The following TRIO variants were observed in gnomAD, a reference collection of about 807,000 sequenced individuals.
TRIO encodes trio Rho guanine nucleotide exchange factor, also known as triple functional domain protein.
Under a neutral mutation model 351.9 loss-of-function variants are expected in TRIO, and 58 were observed. The ratio of observed to expected loss-of-function variants is 0.16; its 90% CI spans 0.13 to 0.21. TRIO has a LOEUF of 0.21. Ranked by LOEUF, TRIO falls within the 10% of genes least tolerant of loss-of-function variation. The pLI, the probability that TRIO is intolerant of heterozygous loss-of-function variation, is 1.00. For synonymous variants in TRIO, 1,758 were observed against 1,595.7 expected (o/e 1.10, Z -2.42); for missense variants, 3,201 against 4,027.8 (o/e 0.79, Z 5.56).
At chr5:14,183,843 G>T in intron 1 of TRIO, 1 of 653,948 alleles carries the variant, frequency 1.5e-6, no homozygotes, top group East Asian at 2.9e-5. Context: ...GGGATCCTGA[G>T]GGACACTGCC....
intron 1 of TRIO, among the ~76,000 whole-genome samples, chr5:14,241,010 G>A (rs576076070): frequency 9.2e-5 from 14 of 152,238 alleles, no homozygotes; most frequent in Admixed American, 5.9e-4. Context: ...TACTGGTGAG[G>A]TTTTTTAGGG....
At chr5:14,149,610 C>T (rs1300765162) in intron 1 of TRIO, among the ~76,000 whole-genome samples, 3 of 152,154 alleles carry the variant, frequency 2.0e-5, no homozygotes, top group African/African-American at 7.2e-5. Context: ...AGATTTCTCC[C>T]TGTGCCATTT....
intron 34 of TRIO, among the ~76,000 whole-genome samples, chr5:14,443,904 TATC>T (rs1297161602): frequency 6.6e-6 from 1 of 152,220 alleles, no homozygotes; most frequent in Non-Finnish European, 1.5e-5. Context: ...TTGGGTTGGT[TATC>T]ATTCTGAAAT....
At chr5:14,317,894 A>AG (rs1337227439) in intron 9 of TRIO, among the ~76,000 whole-genome samples, 1 of 152,026 alleles carries the variant, frequency 6.6e-6, no homozygotes, top group Non-Finnish European at 1.5e-5. Context: ...TAGGAGGCCA[A>AG]GGGGGGTGGA....
intron 1 of TRIO, among the ~76,000 whole-genome samples, chr5:14,219,274 G>GAT (rs1344776980): frequency 1.3e-5 from 2 of 151,882 alleles, no homozygotes; most frequent in Non-Finnish European, 2.9e-5. Context: ...AGCCTGACCA[G>GAT]ATCATTGTTT....
At position 14,479,246 on chromosome 5, in the gene TRIO, CT is replaced by C; in HGVS notation, c.6154-9del. On this transcript the variant is annotated splice_polypyrimidine_tract_variant and intron_variant, in intron 41 of 56. Transcript: ENST00000344204. ...CCATTGTTATAACCCAACTGTTTGCCTTTTTTATTCCTAGGAGAGAAGGTTG... is the reference window on the plus strand; with the variant it reads ...CCATTGTTATAACCCAACTGTTTGCCTTTTTATTCCTAGGAGAGAAGGTTG... The C allele has an allele frequency of 6.2e-7, 1 of 1,609,818 alleles. No individual in the cohort carries two copies. The highest frequency in any genetic ancestry group is 8.5e-7 in the Non-Finnish European group (1 of 1,176,556).
intron 34 of TRIO, among the ~76,000 whole-genome samples, chr5:14,443,028 G>C (rs940649567): frequency 6.6e-6 from 1 of 152,174 alleles, no homozygotes; most frequent in Non-Finnish European, 1.5e-5. Context: ...GGGAATTTTT[G>C]AATCTTAGTG....
intron 1 of TRIO, among the ~76,000 whole-genome samples, chr5:14,175,767 C>T (rs564896330): frequency 6.6e-6 from 1 of 152,304 alleles, no homozygotes; most frequent in African/African-American, 2.4e-5. Context: ...GAATACTATA[C>T]ATGCATTTAG....
chr5:14,371,786 A>T (rs1745129551), intron 18 of TRIO, among the ~76,000 whole-genome samples: 1 of 151,860 alleles, frequency 6.6e-6, no homozygotes, highest in Admixed American at 6.6e-5. Flanking sequence ...GACTACAGGC[A>T]CTTGCCACCA....
chr5:14,353,014 C>T (rs1743278922), intron 11 of TRIO, among the ~76,000 whole-genome samples: 1 of 152,158 alleles, frequency 6.6e-6, no homozygotes, highest in African/African-American at 2.4e-5. Flanking sequence ...AGCACGTTTT[C>T]CTCATACTGT....
intron 13 of TRIO, among the ~76,000 whole-genome samples, chr5:14,361,911 A>G (rs1005302274): frequency 6.6e-6 from 1 of 152,210 alleles, no homozygotes; most frequent in Non-Finnish European, 1.5e-5. Flanking sequence ...TGAGGTCAGG[A>G]GTTCGAGACC....
intron 1 of TRIO, among the ~76,000 whole-genome samples, chr5:14,254,143 C>A (rs187180517): frequency 5.9e-5 from 9 of 152,000 alleles, no homozygotes. Context: ...ATAAATAGAA[C>A]CCACGTAATG....
chr5:14,217,101 A>C (rs1792273866), intron 1 of TRIO, among the ~76,000 whole-genome samples: 1 of 152,206 alleles, frequency 6.6e-6, no homozygotes, highest in African/African-American at 2.4e-5. Context: ...TGCGTCACCG[A>C]GTTCTCTGAT....
chr5:14,216,932 G>A (rs62346562), intron 1 of TRIO, among the ~76,000 whole-genome samples: 4,709 of 152,258 alleles, frequency 0.031, 112 homozygotes, highest in South Asian at 0.053. Context: ...TAGCAGCCTG[G>A]CCAGAGCCAG....
At chr5:14,400,444 A>G (rs1015203466) in intron 30 of TRIO, among the ~76,000 whole-genome samples, 17 of 152,132 alleles carry the variant, frequency 1.1e-4, no homozygotes, top group African/African-American at 3.6e-4. Flanking sequence ...TGTTCTGCAT[A>G]TATTACAGAG....
chr5:14,294,614 A>G (rs978997077), intron 6 of TRIO, among the ~76,000 whole-genome samples: 5 of 152,196 alleles, frequency 3.3e-5, no homozygotes, highest in Admixed American at 3.3e-4. Context: ...ACTCAAGGGA[A>G]TAGGAACCAT....
chr5:14,193,936 T>TG (rs1790597501), intron 1 of TRIO, among the ~76,000 whole-genome samples: 2 of 152,204 alleles, frequency 1.3e-5, no homozygotes, highest in Non-Finnish European at 2.9e-5. Context: ...AGTCCTTACC[T>TG]GCTCCTTTCA....
At chr5:14,394,561 C>T (rs1747397344) in intron 28 of TRIO, among the ~76,000 whole-genome samples, 1 of 152,158 alleles carries the variant, frequency 6.6e-6, no homozygotes, top group African/African-American at 2.4e-5. Context: ...ACAGGCTCAG[C>T]TCAGAACACA....
At chr5:14,183,353 T>C (rs1386791551) in intron 1 of TRIO, among the ~76,000 whole-genome samples, 1 of 152,140 alleles carries the variant, frequency 6.6e-6, no homozygotes, top group Non-Finnish European at 1.5e-5. Context: ...CTCCCCTTCC[T>C]TTAATAGTAA....
Sources: gnomAD v4.1 joint callset for allele counts (sites outside exome capture counted in the v4.1 genomes callset) on GRCh38, gnomAD v4.1.1 for gene constraint, MANE v1.5 for transcripts, NCBI Gene and HGNC (gene_info 2026-07-23, HGNC 2026-07-21) for gene names.